DIS3L2: variants seen among roughly 807,000 people sequenced by gnomAD.
DIS3L2 encodes the protein DIS3-like exonuclease 2.
Under a neutral mutation model 97.5 loss-of-function variants are expected in DIS3L2, and 34 were observed. The observed-to-expected ratio is 0.35, with a 90% CI of 0.27 to 0.46. The LOEUF (loss-of-function observed/expected upper bound fraction) is 0.46, where lower values mean the gene tolerates loss of function less well. DIS3L2 is among the 20% of genes least tolerant of loss of function. DIS3L2 has a pLI of 1.00. For synonymous variants in DIS3L2, 435 were observed against 445.2 expected (o/e 0.98, Z 0.29); for missense variants, 1,038 against 1,146.0 (o/e 0.91, Z 1.36).
intron 6 of DIS3L2, among the ~76,000 whole-genome samples, chr2:232,103,103 A>G (rs930426092): frequency 1.3e-5 from 2 of 152,206 alleles, no homozygotes; most frequent in Non-Finnish European, 2.9e-5. Context: ...AAAGTCAAAC[A>G]GAATGACTTT....
downstream of DIS3L2, chr2:232,340,906 G>T (rs192428648): frequency 2.1e-6 from 1 of 471,016 alleles, no homozygotes; most frequent in African/African-American, 2.0e-5. Context: ...CAAAAAACAA[G>T]CTCCGTGGGG....
At chr2:232,206,380 A>G (rs543127425) in intron 9 of DIS3L2, among the ~76,000 whole-genome samples, 4 of 152,212 alleles carry the variant, frequency 2.6e-5, no homozygotes, top group Non-Finnish European at 5.9e-5. Context: ...CATAGGAAAT[A>G]TTTCAGGCAC....
chr2:232,019,371 G>C (rs377511884), intron 3 of DIS3L2, among the ~76,000 whole-genome samples: 1 of 152,108 alleles, frequency 6.6e-6, no homozygotes. Flanking sequence ...GGGCAACATA[G>C]TGAGACTTCA....
chr2:232,134,026 G>A (rs1181055971), intron 7 of DIS3L2, among the ~76,000 whole-genome samples: 3 of 138,608 alleles, frequency 2.2e-5, no homozygotes, highest in African/African-American at 8.2e-5. Context: ...CAAATGAGAA[G>A]TATAGTCCTG....
chr2:232,331,260 T>A (rs1695727932), intron 16 of DIS3L2, among the ~76,000 whole-genome samples: 1 of 152,218 alleles, frequency 6.6e-6, no homozygotes, highest in Non-Finnish European at 1.5e-5. Context: ...CAGCTGGGCT[T>A]GCTCTGGGAT....
chr2:232,220,580 G>T (rs1332220834), intron 10 of DIS3L2, among the ~76,000 whole-genome samples: 1 of 151,880 alleles, frequency 6.6e-6, no homozygotes, highest in South Asian at 2.1e-4. Flanking sequence ...GGTGGCACGC[G>T]CCTGTAATCC....
At chr2:232,244,490 G>A (rs1476413264) in intron 11 of DIS3L2, among the ~76,000 whole-genome samples, 1 of 152,230 alleles carries the variant, frequency 6.6e-6, no homozygotes, top group African/African-American at 2.4e-5. Flanking sequence ...TGTGGAGTTT[G>A]AAACATTCAT....
At chr2:232,209,313 G>C (rs1361882421) in intron 9 of DIS3L2, among the ~76,000 whole-genome samples, 1 of 152,190 alleles carries the variant, frequency 6.6e-6, no homozygotes, top group South Asian at 2.1e-4. Flanking sequence ...CTGGAGTGCA[G>C]TGGCCCAATT....
At chr2:232,333,227 G>GCCTCCTCCTCCT (rs1170491432) in intron 16 of DIS3L2, among the ~76,000 whole-genome samples, 6 of 24,226 alleles carry the variant, frequency 2.5e-4, no homozygotes, top group African/African-American at 8.9e-4. Context: ...CTCCGCTGTC[G>GCCTCCTCCTCCT]CCTCCTCCTC....
intron 6 of DIS3L2, among the ~76,000 whole-genome samples, chr2:232,119,588 G>A (rs1224516998): frequency 6.6e-6 from 1 of 152,206 alleles, no homozygotes; most frequent in Non-Finnish European, 1.5e-5. Flanking sequence ...TAAAACTTCA[G>A]TAGAGAAATT....
At chr2:231,973,921 T>C (rs1699433178) in intron 1 of DIS3L2, among the ~76,000 whole-genome samples, 1 of 152,066 alleles carries the variant, frequency 6.6e-6, no homozygotes, top group African/African-American at 2.4e-5. Flanking sequence ...AATAAACCCC[T>C]AAGGGATGTA....
intron 7 of DIS3L2, among the ~76,000 whole-genome samples, chr2:232,135,355 G>A (rs772762434): frequency 6.6e-6 from 1 of 152,104 alleles, no homozygotes; most frequent in Non-Finnish European, 1.5e-5. Context: ...AGTGCAGCAT[G>A]GGAAAACATG....
chr2:232,331,200 C>T (rs1171670363), intron 16 of DIS3L2, among the ~76,000 whole-genome samples: 2 of 152,252 alleles, frequency 1.3e-5, no homozygotes, highest in African/African-American at 2.4e-5. Context: ...GCGGACTTGG[C>T]CGGGGGCCTA....
Position 232,163,460 on chromosome 2 carries a change from CA to C in DIS3L2, c.953del (p.Gln318ArgfsTer20). The C allele has an allele frequency of 6.2e-7, 1 of 1,613,410 alleles. No homozygotes were observed. Among genetic ancestry groups the C allele is most frequent in the Non-Finnish European group, 8.5e-7 (1 of 1,179,662 alleles). ...WKEDCNFALG[Q>X]LAKSLGQAGE... ...ATTCCGTTTCTGTTCTATCCATAGGCAGCTGGCTAAGAGTCTTGGGCAGGCT... is the reference window on the plus strand; with the variant it reads ...ATTCCGTTTCTGTTCTATCCATAGGCGCTGGCTAAGAGTCTTGGGCAGGCT... On this transcript the variant is annotated frameshift_variant and splice_region_variant, in exon 9 of 21. Coordinates refer to ENST00000325385, the MANE Select transcript of DIS3L2 (RefSeq NM_152383.5). LOFTEE classifies it high-confidence loss of function.
At chr2:232,020,600 G>A (rs1410034955) in intron 3 of DIS3L2, among the ~76,000 whole-genome samples, 1 of 152,140 alleles carries the variant, frequency 6.6e-6, no homozygotes, top group Non-Finnish European at 1.5e-5. Flanking sequence ...GGGATAGCTG[G>A]CATACATGAG....
At chr2:232,185,813 G>A (rs1357722443) in intron 9 of DIS3L2, among the ~76,000 whole-genome samples, 3 of 147,494 alleles carry the variant, frequency 2.0e-5, no homozygotes, top group Non-Finnish European at 4.4e-5. Flanking sequence ...TTGTGCCACT[G>A]CACTCCAGTC....
At chr2:232,182,938 T>G (rs1231672874) in intron 9 of DIS3L2, among the ~76,000 whole-genome samples, 1 of 152,220 alleles carries the variant, frequency 6.6e-6, no homozygotes, top group East Asian at 1.9e-4. Context: ...GAACTAAGTC[T>G]TTTGAGTCTA....
At chr2:231,974,827 AC>A (rs1345316098) in intron 1 of DIS3L2, among the ~76,000 whole-genome samples, 1 of 152,204 alleles carries the variant, frequency 6.6e-6, no homozygotes, top group African/African-American at 2.4e-5. Context: ...AATAGAATAA[AC>A]AAATCATCTC....
intron 19 of DIS3L2, chr2:232,335,317 G>T: frequency 5.0e-6 from 1 of 198,776 alleles, no homozygotes; most frequent in Non-Finnish European, 1.0e-5. Context: ...CAGTAAACGT[G>T]GTGTTCATAA....
Sources: allele counts gnomAD v4.1 joint callset (sites outside exome capture counted in the v4.1 genomes callset), GRCh38; gene constraint gnomAD v4.1.1; transcripts MANE v1.5; gene names NCBI Gene and HGNC (gene_info 2026-07-23, HGNC 2026-07-21).